The following SCHIP1 variants were observed in gnomAD, a reference collection of about 807,000 sequenced individuals.
SCHIP1 encodes schwannomin-interacting protein 1.
Under a neutral mutation model 29.7 loss-of-function variants are expected in SCHIP1, and 8 were observed. That is an observed-to-expected ratio of 0.27 (90% CI 0.16 to 0.49). SCHIP1 has a LOEUF of 0.49. Ranked by LOEUF, SCHIP1 falls within the 20% of genes least tolerant of loss-of-function variation. The probability of loss-of-function intolerance (pLI) is 0.99; values close to 1 mark genes in which losing one functional copy is unlikely to be tolerated. For synonymous variants in SCHIP1, 76 were observed against 94.9 expected (o/e 0.80, Z 1.16); for missense variants, 193 against 294.6 (o/e 0.66, Z 2.52).
the SCHIP1 span, among the ~76,000 whole-genome samples, chr3:159,565,086 G>T: frequency 6.6e-6 from 1 of 152,108 alleles, no homozygotes; most frequent in African/African-American, 2.4e-5. Flanking sequence ...TCAAGCTAGA[G>T]TTCTTTGATG....
chr3:159,349,155 A>G, the SCHIP1 span, among the ~76,000 whole-genome samples: 4 of 152,128 alleles, frequency 2.6e-5, no homozygotes, highest in Admixed American at 1.3e-4. Flanking sequence ...CAGAGCTACA[A>G]TTTTCAAGAT....
the SCHIP1 span, among the ~76,000 whole-genome samples, chr3:159,752,485 G>A: frequency 1.3e-5 from 2 of 152,060 alleles, no homozygotes; most frequent in African/African-American, 4.8e-5. Flanking sequence ...TAAGAAAAGA[G>A]GTTTAATTGG....
At chr3:159,636,967 A>G in the SCHIP1 span, among the ~76,000 whole-genome samples, 1 of 152,172 alleles carries the variant, frequency 6.6e-6, no homozygotes, top group East Asian at 1.9e-4. Flanking sequence ...ACAATTACCT[A>G]GAATTTTCTC....
the SCHIP1 span, among the ~76,000 whole-genome samples, chr3:159,572,934 GTTTT>G: frequency 1.4e-5 from 2 of 140,218 alleles, no homozygotes; most frequent in African/African-American, 5.3e-5. Context: ...GCAACCTCTG[GTTTT>G]TTTTTTTTTT....
At chr3:159,273,754 TC>T in the SCHIP1 span, 1 of 1,593,734 alleles carries the variant, frequency 6.3e-7, no homozygotes, top group East Asian at 2.3e-5. Flanking sequence ...TTTACGGATT[TC>T]TTTCAAAGCC....
At chr3:159,312,618 C>T in the SCHIP1 span, among the ~76,000 whole-genome samples, 1 of 152,154 alleles carries the variant, frequency 6.6e-6, no homozygotes, top group African/African-American at 2.4e-5. Context: ...CTATCAATCT[C>T]TCTCTCTCTC....
chr3:159,404,232 C>G, the SCHIP1 span, among the ~76,000 whole-genome samples: 2 of 152,026 alleles, frequency 1.3e-5, no homozygotes, highest in Non-Finnish European at 2.9e-5. Context: ...GGAAAGGAAT[C>G]CTTCTGCTTG....
chr3:159,274,722 C>G, the SCHIP1 span: 1 of 818,384 alleles, frequency 1.2e-6, no homozygotes, highest in African/African-American at 1.9e-5. Context: ...AAATTTTTTT[C>G]TAAGAGAACA....
chr3:159,465,848 G>A, the SCHIP1 span, among the ~76,000 whole-genome samples: 2 of 152,102 alleles, frequency 1.3e-5, no homozygotes, highest in African/African-American at 4.8e-5. Flanking sequence ...AAGATGAATA[G>A]ATTCATTTAT....
the SCHIP1 span, among the ~76,000 whole-genome samples, chr3:159,773,922 C>A: frequency 6.6e-6 from 1 of 152,230 alleles, no homozygotes; most frequent in East Asian, 1.9e-4. Flanking sequence ...TTGTGGGGTT[C>A]AGAAGCAGCC....
the SCHIP1 span, among the ~76,000 whole-genome samples, chr3:159,763,517 A>G: frequency 6.6e-6 from 1 of 152,074 alleles, no homozygotes; most frequent in Admixed American, 6.5e-5. Context: ...CCTAACGCCC[A>G]GTGCCCCCTT....
At chr3:159,574,669 T>A in the SCHIP1 span, among the ~76,000 whole-genome samples, 1 of 152,224 alleles carries the variant, frequency 6.6e-6, no homozygotes, top group Non-Finnish European at 1.5e-5. Context: ...AATGTTTAAG[T>A]CTGCAGACAT....
chr3:159,558,494 A>T, the SCHIP1 span, among the ~76,000 whole-genome samples: 2 of 152,212 alleles, frequency 1.3e-5, no homozygotes, highest in Non-Finnish European at 2.9e-5. Flanking sequence ...GAATCTGGGG[A>T]GAGCACATCT....
rs1431092805 is a variant in SCHIP1, at chr3:159,888,801, T to C, written c.466-19T>C. The C allele has an allele frequency of 6.2e-7, 1 of 1,612,900 alleles. No individual in the cohort carries two copies. ...GTGGCTCTGTTCACTCCTCCATTTCTTCTCCTTTGTATCTTCAGCTGCCAC... is the reference window on the plus strand; with the variant it reads ...GTGGCTCTGTTCACTCCTCCATTTCCTCTCCTTTGTATCTTCAGCTGCCAC... On this transcript the variant is annotated intron_variant, in intron 4 of 6. Coordinates refer to ENST00000445224, the Ensembl canonical transcript of SCHIP1.
At chr3:159,279,436 T>C in the SCHIP1 span, among the ~76,000 whole-genome samples, 1 of 152,182 alleles carries the variant, frequency 6.6e-6, no homozygotes, top group Non-Finnish European at 1.5e-5. Context: ...AGTATGAAAA[T>C]GGACTAATAC....
At chr3:159,566,826 G>A in the SCHIP1 span, among the ~76,000 whole-genome samples, 1 of 152,168 alleles carries the variant, frequency 6.6e-6, no homozygotes, top group Non-Finnish European at 1.5e-5. Context: ...AAGTACATGT[G>A]CTAGTTTCTT....
chr3:159,487,859 G>C, the SCHIP1 span, among the ~76,000 whole-genome samples: 1 of 152,140 alleles, frequency 6.6e-6, no homozygotes, highest in Non-Finnish European at 1.5e-5. Flanking sequence ...TTTTACGTTA[G>C]TCTTTTAAAG....
the SCHIP1 span, among the ~76,000 whole-genome samples, chr3:159,468,750 TAATATA>T: frequency 0.038 from 4,823 of 127,456 alleles, 136 homozygotes; most frequent in Non-Finnish European, 0.057. Flanking sequence ...ATATAATATA[TAATATA>T]ATATATATAT....
the SCHIP1 span, among the ~76,000 whole-genome samples, chr3:159,285,954 T>C: frequency 6.6e-6 from 1 of 152,222 alleles, no homozygotes; most frequent in Admixed American, 6.5e-5. Flanking sequence ...CTTTTATTTA[T>C]ATTTAAAACT....
Sources: allele counts gnomAD v4.1 joint callset (sites outside exome capture counted in the v4.1 genomes callset), GRCh38; gene constraint gnomAD v4.1.1; transcripts MANE v1.5; gene names NCBI Gene and HGNC (gene_info 2026-07-23, HGNC 2026-07-21).